The following ATP9A variants were observed in gnomAD, a reference collection of about 807,000 sequenced individuals.
ATP9A encodes the protein ATPase phospholipid transporting 9A.
Under a neutral mutation model 144.1 loss-of-function variants are expected in ATP9A, and 52 were observed. The observed-to-expected ratio is 0.36, with a 90% CI of 0.29 to 0.45. The LOEUF is 0.45. ATP9A is among the 20% of genes least tolerant of loss of function. ATP9A has a pLI of 1.00. For missense variants in ATP9A, 947 were observed against 1,392.7 expected, an observed-to-expected ratio of 0.68 and a Z score of 5.09; for synonymous variants, 582 against 557.4, an observed-to-expected ratio of 1.04 and a Z score of -0.62.
At position 51,713,009 on chromosome 20, in the gene ATP9A, G is replaced by A. The variant is rs1412511273; in HGVS notation, c.393C>T (p.Asp131=). The A allele has an allele frequency of 3.1e-6, 5 of 1,613,110 alleles. No homozygotes were observed. The highest frequency in any genetic ancestry group is 4.2e-6 in the Non-Finnish European group (5 of 1,179,658). ...TGTAGACCTGGGAGTTGACTTCCTT[G>A]TCCCGCACGTAGCATCGGATCTCCT... is the stretch of plus-strand genomic sequence containing the variant. ...AVEEIRCYVR[D]KEVNSQVYSR... is the part of the protein sequence containing the mutation. Residue 131 remains aspartate (D), a synonymous_variant, in exon 4 of 28, where the codon GAC becomes GAT. Coordinates refer to ENST00000338821, the MANE Select transcript of ATP9A (RefSeq NM_006045.3).
rs923866769 is a variant in ATP9A at position 51,599,723 on chromosome 20, A to G, written c.*1488T>C. The G allele has an allele frequency of 6.6e-6, 1 of 152,220 alleles. No individual in the cohort carries two copies. The highest frequency in any genetic ancestry group is 1.5e-5 in the Non-Finnish European group (1 of 68,044). The allele number at this position is 152,220 out of a possible 1,614,324, so 9.4% of individuals were successfully genotyped here. ...TCTCCAAGAGCAGGAGTTAGTAGGCATCAGAAACCAGGCTGTGATGTACAT... is the reference window on the plus strand; with the variant it reads ...TCTCCAAGAGCAGGAGTTAGTAGGCGTCAGAAACCAGGCTGTGATGTACAT... On this transcript the variant is annotated 3_prime_UTR_variant, in exon 28 of 28. Coordinates refer to ENST00000338821, the MANE Select transcript of ATP9A (RefSeq NM_006045.3).
chr20:51,664,966 G>A (rs1482527245), intron 13 of ATP9A, among the ~76,000 whole-genome samples: 7 of 150,402 alleles, frequency 4.7e-5, no homozygotes, highest in African/African-American at 7.3e-5. Context: ...TCCTGATCTC[G>A]TGATCTGCCC....
intron 14 of ATP9A, among the ~76,000 whole-genome samples, chr20:51,645,266 T>A (rs1436400540): frequency 6.6e-6 from 1 of 152,154 alleles, no homozygotes; most frequent in African/African-American, 2.4e-5. Context: ...ACACCTGTAA[T>A]CCCAGCACTT....
chr20:51,704,133 T>A (rs1400551948), intron 4 of ATP9A, among the ~76,000 whole-genome samples: 1 of 143,162 alleles, frequency 7.0e-6, no homozygotes, highest in Non-Finnish European at 1.5e-5. Flanking sequence ...AGGATTATTA[T>A]AAATAATCAC....
chr20:51,628,820 C>G (rs978834815), intron 16 of ATP9A, among the ~76,000 whole-genome samples, 160 bp downstream of exon 16: 5 of 152,226 alleles, frequency 3.3e-5, no homozygotes, highest in Non-Finnish European at 5.9e-5. Context: ...CCACAGAAAC[C>G]ATTATATATT....
intron 1 of ATP9A, among the ~76,000 whole-genome samples, chr20:51,743,263 C>T (rs1015274805): frequency 1.8e-4 from 27 of 152,272 alleles, no homozygotes; most frequent in African/African-American, 5.3e-4. Flanking sequence ...GCAGCTGTCA[C>T]GTTGGTGTTG....
intron 11 of ATP9A, among the ~76,000 whole-genome samples, chr20:51,673,499 T>C (rs1205122992): frequency 6.6e-6 from 1 of 152,172 alleles, no homozygotes; most frequent in African/African-American, 2.4e-5. Flanking sequence ...CACAACACCA[T>C]TTCCCTTTGA....
chr20:51,708,213 A>T (rs980361391), intron 4 of ATP9A, among the ~76,000 whole-genome samples: 15 of 151,804 alleles, frequency 9.9e-5, no homozygotes, highest in Non-Finnish European at 2.1e-4. Flanking sequence ...GCACTTTGGG[A>T]GGGTGAGGCG....
chr20:51,680,014 G>A (rs1414861417), intron 9 of ATP9A, among the ~76,000 whole-genome samples: 1 of 152,048 alleles, frequency 6.6e-6, no homozygotes, highest in African/African-American at 2.4e-5. Flanking sequence ...TGGATCACTT[G>A]AGGTCAGAAG....
intron 4 of ATP9A, among the ~76,000 whole-genome samples, chr20:51,698,844 A>T (rs2077581401): frequency 6.6e-6 from 1 of 152,206 alleles, no homozygotes; most frequent in Non-Finnish European, 1.5e-5. Flanking sequence ...GAAAGCAGGG[A>T]ACAGCGAGAG....
chr20:51,730,755 A>G (rs1285248589), intron 1 of ATP9A, among the ~76,000 whole-genome samples: 1 of 152,236 alleles, frequency 6.6e-6, no homozygotes, highest in Non-Finnish European at 1.5e-5. Flanking sequence ...GTCTCTAAAC[A>G]TATCTACATA....
chr20:51,694,145 C>T (rs766719507), intron 6 of ATP9A, 43 bp from the exon 7 acceptor site: 1 of 1,551,850 alleles, frequency 6.4e-7, no homozygotes, highest in South Asian at 1.1e-5. Flanking sequence ...CCTCAAGCAC[C>T]CTTCCCTTGG....
chr20:51,636,307 G>A (rs2077292101), intron 15 of ATP9A, among the ~76,000 whole-genome samples: 1 of 152,022 alleles, frequency 6.6e-6, no homozygotes, highest in Non-Finnish European at 1.5e-5. Flanking sequence ...TACTCACAAT[G>A]GCACACAACT....
rs370428893 is a variant in ATP9A, at chr20:51,625,150, C to T, written c.2016+42G>A. 1.9e-6 allele frequency: 3 copies of T among 1,568,590 alleles called. No homozygotes were observed. The African/African-American group carries it at 4.0e-5, about 21-fold the overall frequency. ...CCCTGCACTGCTGAGGGATAACTGG[C>T]ATTGCCCTGGAGTGCCCTTCCCTGC... On this transcript the variant is annotated intron_variant, in intron 18 of 27. Coordinates refer to ENST00000338821, the MANE Select transcript of ATP9A (RefSeq NM_006045.3).
At chr20:51,761,412 CA>C (rs2077879792) in intron 1 of ATP9A, among the ~76,000 whole-genome samples, 1 of 152,174 alleles carries the variant, frequency 6.6e-6, no homozygotes, top group South Asian at 2.1e-4. Flanking sequence ...AATCCGTTCC[CA>C]GGGTCTGCAG....
intron 1 of ATP9A, among the ~76,000 whole-genome samples, chr20:51,764,601 T>A (rs1181307599): frequency 6.6e-6 from 1 of 152,200 alleles, no homozygotes. Flanking sequence ...ATTCCACAGC[T>A]TTATTGCCTA....
chr20:51,604,055 A>T (rs926023862), intron 27 of ATP9A, among the ~76,000 whole-genome samples: 2 of 152,286 alleles, frequency 1.3e-5, no homozygotes, highest in African/African-American at 4.8e-5. Flanking sequence ...CTGGGATTAC[A>T]GGTGTGAGCC....
At chr20:51,709,254 C>A (rs1475472015) in intron 4 of ATP9A, among the ~76,000 whole-genome samples, 1 of 152,152 alleles carries the variant, frequency 6.6e-6, no homozygotes, top group East Asian at 1.9e-4. Context: ...GTGGCTCACA[C>A]CTGTAATCCC....
rs551615019 is a variant in ATP9A, at chr20:51,714,080, T to C, written c.328-1006A>G. 2.6e-5 allele frequency among the ~76,000 whole-genome samples: 4 copies of C among 152,068 alleles called. No individual in the cohort carries two copies. The East Asian group carries it at 7.8e-4, about 30-fold the overall frequency. On this transcript the variant is annotated intron_variant, in intron 3 of 27. Coordinates refer to ENST00000338821, the MANE Select transcript of ATP9A (RefSeq NM_006045.3). ...CACCACCACGCCCAGCTAATTTTTG[T>C]CTTTTTAGTAGAGACGAGGTTTCAC...
Sources: gnomAD v4.1 joint callset for allele counts (sites outside exome capture counted in the v4.1 genomes callset) on GRCh38, gnomAD v4.1.1 for gene constraint, MANE v1.5 for transcripts, NCBI Gene and HGNC (gene_info 2026-07-23, HGNC 2026-07-21) for gene names.